UVRAG: variants seen among roughly 807,000 people sequenced by gnomAD.
UVRAG encodes UV radiation resistance-associated gene protein.
Under a neutral mutation model 78.0 loss-of-function variants are expected in UVRAG, and 19 were observed. The ratio of observed to expected loss-of-function variants is 0.24; its 90% CI spans 0.17 to 0.36. UVRAG has a LOEUF of 0.36. Ranked by LOEUF, UVRAG falls within the 10% of genes least tolerant of loss-of-function variation. UVRAG has a pLI of 1.00. For missense variants in UVRAG, 740 were observed against 853.8 expected (o/e 0.87, Z 1.66); for synonymous variants, 323 against 324.6 (o/e 1.00, Z 0.05).
chr11:75,844,824 C>A (rs1946000610), intron 1 of UVRAG, among the ~76,000 whole-genome samples: 1 of 151,940 alleles, frequency 6.6e-6, no homozygotes, highest in African/African-American at 2.4e-5. Flanking sequence ...CATTCATGTG[C>A]CACCATGCCC....
intron 1 of UVRAG, among the ~76,000 whole-genome samples, chr11:75,844,331 C>T (rs992994742): frequency 5.9e-5 from 9 of 151,834 alleles, no homozygotes; most frequent in Non-Finnish European, 2.9e-5. Context: ...GGGTTCACGC[C>T]ATTCTCCTGC....
intron 13 of UVRAG, among the ~76,000 whole-genome samples, chr11:76,076,827 T>G (rs1951412795): frequency 6.6e-6 from 1 of 150,964 alleles, no homozygotes; most frequent in Non-Finnish European, 1.5e-5. Flanking sequence ...TTTATTTATT[T>G]ATTTATTAGA....
chr11:75,875,660 T>G (rs1350027272), intron 3 of UVRAG, among the ~76,000 whole-genome samples: 1 of 151,952 alleles, frequency 6.6e-6, no homozygotes, highest in Non-Finnish European at 1.5e-5. Flanking sequence ...TCTGCTGCAT[T>G]CTGTGTAATT....
At chr11:75,938,648 C>T (rs1213053481) in intron 6 of UVRAG, among the ~76,000 whole-genome samples, 1 of 152,216 alleles carries the variant, frequency 6.6e-6, no homozygotes, top group Non-Finnish European at 1.5e-5. Flanking sequence ...GGGCCATACT[C>T]TGGCTGTCAG....
chr11:75,860,188 G>A (rs1829844736), intron 2 of UVRAG, among the ~76,000 whole-genome samples: 1 of 152,116 alleles, frequency 6.6e-6, no homozygotes. Flanking sequence ...CAGGTGATCT[G>A]CCCGCCTCAG....
At chr11:76,128,559 T>C (rs1259430474) in intron 14 of UVRAG, among the ~76,000 whole-genome samples, 3 of 152,182 alleles carry the variant, frequency 2.0e-5, no homozygotes, top group African/African-American at 4.8e-5. Flanking sequence ...GCATTAGAAA[T>C]GAGCACTGGC....
Position 76,140,744 on chromosome 11 carries a change from T to C in UVRAG, c.1431T>C (p.Val477=). Residue 477 remains valine, a synonymous_variant, in exon 15 of 15, where the codon GTT becomes GTC. Coordinates refer to ENST00000356136, the MANE Select transcript of UVRAG (RefSeq NM_003369.4). The stretch of plus-strand genomic sequence containing the variant: ...ATCACACCTCCAGTGCAATCCCTGT[T>C]CCTAAGAGACAAAGCTCCATATTTG... ...DRHHTSSAIP[V]PKRQSSIFGG... 6.2e-7 allele frequency: 1 copy of C among 1,606,872 alleles called. No homozygotes were observed. The highest frequency in any genetic ancestry group is 8.5e-7 in the Non-Finnish European group (1 of 1,177,566).
At chr11:76,120,024 C>G (rs892990294) in intron 14 of UVRAG, among the ~76,000 whole-genome samples, 9 of 152,196 alleles carry the variant, frequency 5.9e-5, no homozygotes, top group African/African-American at 2.2e-4. Flanking sequence ...AGTGGTTGCA[C>G]TCACTCTTCC....
intron 13 of UVRAG, among the ~76,000 whole-genome samples, chr11:76,076,043 C>T (rs1951398678): frequency 6.6e-6 from 1 of 152,078 alleles, no homozygotes; most frequent in Admixed American, 6.5e-5. Context: ...TATAAGAATG[C>T]TGTTATGAAC....
At chr11:76,003,303 G>A (rs112974174) in intron 8 of UVRAG, among the ~76,000 whole-genome samples, 186 of 98,070 alleles carry the variant, frequency 1.9e-3, no homozygotes, top group African/African-American at 7.0e-3. Context: ...ACAGAGTCTC[G>A]TTCTCTTGCC....
intron 6 of UVRAG, among the ~76,000 whole-genome samples, chr11:75,942,605 A>G (rs958110184): frequency 3.1e-4 from 47 of 152,180 alleles, no homozygotes; most frequent in African/African-American, 1.1e-3. Context: ...TTCTGATGAA[A>G]ACCTGAGTAG....
chr11:75,818,865 C>A (rs1415355260), intron 1 of UVRAG, among the ~76,000 whole-genome samples: 1 of 152,078 alleles, frequency 6.6e-6, no homozygotes, highest in East Asian at 1.9e-4. Flanking sequence ...TCAGTGGCTC[C>A]CAACCTTCTT....
chr11:76,126,073 C>G (rs1477718778), intron 14 of UVRAG, among the ~76,000 whole-genome samples: 1 of 151,810 alleles, frequency 6.6e-6, no homozygotes, highest in Non-Finnish European at 1.5e-5. Context: ...CCTCAGCCTC[C>G]CGGGCAGCTG....
chr11:76,076,502 A>G lies in UVRAG; in HGVS notation c.1305+10714A>G, dbSNP rs183696970. Among the ~76,000 whole-genome samples, 28 of 152,280 alleles carry G rather than the reference A, an allele frequency of 1.8e-4. No homozygotes were observed. In the South Asian group the frequency reaches 1.9e-3, roughly 10 times the overall value. On this transcript the variant is annotated intron_variant, in intron 13 of 14. Coordinates refer to ENST00000356136, the MANE Select transcript of UVRAG (RefSeq NM_003369.4). ...AGGAAAGACCTGCTCCCATGATTCA[A>G]TTACCTCCCACTGGGTCCCTCCCAT...
intron 5 of UVRAG, among the ~76,000 whole-genome samples, chr11:75,894,511 A>G (rs142632132): frequency 3.8e-3 from 585 of 152,238 alleles, no homozygotes; most frequent in Non-Finnish European, 6.0e-3. Flanking sequence ...AGAATTTGCT[A>G]GAAAAAATTT....
chr11:76,073,309 AGCCTTGTC>A (rs1951348630), intron 13 of UVRAG, among the ~76,000 whole-genome samples: 1 of 152,164 alleles, frequency 6.6e-6, no homozygotes. Flanking sequence ...CTTTTTTAAA[AGCCTTGTC>A]TTTACTTGAA....
chr11:76,006,659 TCAAAAA>T (rs1949947176), intron 9 of UVRAG, among the ~76,000 whole-genome samples: 1 of 3,474 alleles, frequency 2.9e-4, no homozygotes, highest in African/African-American at 4.7e-4. Context: ...AGACCCCGTC[TCAAAAA>T]AAAAAAAAAA....
At chr11:76,106,360 G>A (rs1357025220) in intron 13 of UVRAG, among the ~76,000 whole-genome samples, 1 of 151,968 alleles carries the variant, frequency 6.6e-6, no homozygotes, top group Non-Finnish European at 1.5e-5. Context: ...TGAATTGGAA[G>A]CAGAAATGCC....
chr11:75,870,353 G>A (rs1308115553), intron 3 of UVRAG, among the ~76,000 whole-genome samples: 1 of 152,128 alleles, frequency 6.6e-6, no homozygotes, highest in Non-Finnish European at 1.5e-5. Flanking sequence ...GTCCTCCAGA[G>A]GCATTTGATT....
Sources: allele counts gnomAD v4.1 joint callset (sites outside exome capture counted in the v4.1 genomes callset), GRCh38; gene constraint gnomAD v4.1.1; transcripts MANE v1.5; gene names NCBI Gene and HGNC (gene_info 2026-07-23, HGNC 2026-07-21).